The following DNAAF4 variants were observed in gnomAD, a reference collection of about 807,000 sequenced individuals.
The protein encoded by DNAAF4 is dynein assembly factor 4, axonemal.
DNAAF4 carries 43 observed loss-of-function variants against 51.8 expected under a neutral mutation model. That is an observed-to-expected ratio of 0.83 (90% CI 0.65 to 1.07). The LOEUF is 1.07. Ranked by LOEUF, DNAAF4 falls within the 50% of genes least tolerant of loss-of-function variation. The pLI is 0.00. For missense variants in DNAAF4, 581 were observed against 493.0 expected (o/e 1.18, Z -1.69); for synonymous variants, 194 against 165.6 (o/e 1.17, Z -1.32).
chr15:55,449,606 G>A (rs889600326), intron 6 of DNAAF4, among the ~76,000 whole-genome samples: 7 of 150,162 alleles, frequency 4.7e-5, no homozygotes, highest in African/African-American at 1.7e-4. Flanking sequence ...GGAGGTTGCA[G>A]TGAACTGAGA....
At chr15:55,444,087 C>T (rs2057758596) in intron 6 of DNAAF4, among the ~76,000 whole-genome samples, 1 of 152,086 alleles carries the variant, frequency 6.6e-6, no homozygotes, top group African/African-American at 2.4e-5. Flanking sequence ...GTTGCCATTG[C>T]TTTTGGTGTT....
rs756260886 is a variant in DNAAF4 at position 55,432,507 on chromosome 15, C to G, written c.1143G>C (p.Leu381Phe). Residue 381 changes from leucine to phenylalanine, a missense_variant, in exon 9 of 10, where the codon TTG becomes TTC. Leu to Phe is a conservative substitution (Grantham distance 22). Transcript: ENST00000321149. ...CTATCAATTCCTTACCTTCTACATA[C>G]AATTCTAGTTGACAGAATGCTGTTC... ...RRGTAFCQLELYVEGLQDYEA... is the reference protein window; with the variant it reads ...RRGTAFCQLEFYVEGLQDYEA... 3.1e-6 allele frequency: 5 copies of G among 1,610,152 alleles called. No homozygotes were observed. Among genetic ancestry groups the G allele is most frequent in the Middle Eastern group, 1.7e-4 (1 of 6,046 alleles).
chr15:55,425,101 T>G (rs4477630), intron 7 of DNAAF4, among the ~76,000 whole-genome samples: 149,519 of 152,158 alleles, frequency 0.98, 73,509 homozygotes, highest in East Asian at 1. Flanking sequence ...CTGACCTCAG[T>G]TGATCCGCCC....
chr15:55,462,460 G>A (rs2058106755), intron 5 of DNAAF4, among the ~76,000 whole-genome samples: 1 of 152,032 alleles, frequency 6.6e-6, no homozygotes, highest in Non-Finnish European at 1.5e-5. Context: ...CAAAGGCTGG[G>A]ATTACAGGTA....
At chr15:55,505,066 A>G (rs893889204) in intron 1 of DNAAF4, among the ~76,000 whole-genome samples, 1 of 152,206 alleles carries the variant, frequency 6.6e-6, no homozygotes, top group African/African-American at 2.4e-5. Context: ...AACTTAAACA[A>G]ATTTACAAGA....
intron 1 of DNAAF4, among the ~76,000 whole-genome samples, chr15:55,505,107 G>A (rs2058720014): frequency 6.6e-6 from 1 of 152,138 alleles, no homozygotes; most frequent in Non-Finnish European, 1.5e-5. Context: ...AGTGAGCAAA[G>A]GATATGAACA....
chr15:55,458,480 A>AAAGAATTTTAAAAAATG (rs1449069195), intron 5 of DNAAF4, among the ~76,000 whole-genome samples: 29 of 152,164 alleles, frequency 1.9e-4, no homozygotes, highest in Admixed American at 1.2e-3. Context: ...AACCCAATCC[A>AAAGAATTTTAAAAAATG]ACAAAGACAA....
intron 7 of DNAAF4, among the ~76,000 whole-genome samples, chr15:55,422,890 G>A (rs548419887): frequency 4.1e-4 from 62 of 152,106 alleles, no homozygotes; most frequent in African/African-American, 1.4e-3. Flanking sequence ...CCAGCTACTC[G>A]GGAGGCTGAG....
intron 5 of DNAAF4, among the ~76,000 whole-genome samples, chr15:55,456,437 T>C (rs2058022752): frequency 1.3e-5 from 2 of 152,124 alleles, no homozygotes; most frequent in Non-Finnish European, 2.9e-5. Context: ...ACCAAACTCG[T>C]AGCTTTCAGT....
intron 5 of DNAAF4, among the ~76,000 whole-genome samples, chr15:55,455,563 C>G (rs1362523132): frequency 1.3e-5 from 2 of 151,910 alleles, no homozygotes; most frequent in African/African-American, 4.8e-5. Context: ...TCCTGAGTAA[C>G]TGGGACTACA....
At chr15:55,457,398 GC>G (rs1210098866) in intron 5 of DNAAF4, among the ~76,000 whole-genome samples, 1 of 152,080 alleles carries the variant, frequency 6.6e-6, no homozygotes, top group African/African-American at 2.4e-5. Flanking sequence ...GCCACAGCAA[GC>G]CCCACCCAAG....
chr15:55,480,857 C>T (rs1452571762), intron 4 of DNAAF4, among the ~76,000 whole-genome samples: 1 of 152,156 alleles, frequency 6.6e-6, no homozygotes, highest in Non-Finnish European at 1.5e-5. Flanking sequence ...GGCTCTGTAT[C>T]CCCACCCAAA....
chr15:55,498,237 C>T lies in DNAAF4; in HGVS notation c.93G>A (p.Thr31=). The change falls in exon 2 of 10, where the codon ACG becomes ACA. Residue 31 remains threonine, a synonymous_variant. Transcript: ENST00000321149. ...LPLKGVCVRD[T]DVFCTENYLK... is the part of the protein sequence containing the mutation. ...GATAGTTTTCCGTGCAGAACACGTCCGTGTCTCTGACGCACACGCCTTTGA... is the reference window on the plus strand; with the variant it reads ...GATAGTTTTCCGTGCAGAACACGTCTGTGTCTCTGACGCACACGCCTTTGA... The T allele has an allele frequency of 1.9e-6, 3 of 1,613,972 alleles. No homozygotes were observed. The highest frequency in any genetic ancestry group is 2.5e-6 in the Non-Finnish European group (3 of 1,179,914).
chr15:55,450,678 C>G (rs994171933), intron 5 of DNAAF4, among the ~76,000 whole-genome samples: 2 of 152,186 alleles, frequency 1.3e-5, no homozygotes, highest in Non-Finnish European at 2.9e-5. Flanking sequence ...GGCACATAGG[C>G]AAAACCACCA....
At chr15:55,436,867 C>G (rs181659356) in intron 7 of DNAAF4, among the ~76,000 whole-genome samples, 1 of 151,352 alleles carries the variant, frequency 6.6e-6, no homozygotes, top group Admixed American at 6.6e-5. Flanking sequence ...GTCGCCCAGG[C>G]TGGAGTGCAG....
chr15:55,433,963 A>AATATTATAATATATATT (rs1555413861), intron 8 of DNAAF4, among the ~76,000 whole-genome samples: 2 of 29,928 alleles, frequency 6.7e-5, no homozygotes, highest in Admixed American at 8.3e-4. Context: ...TAATATATAT[A>AATATTATAATATATATT]ATATATTTTA....
At chr15:55,431,089 A>AT (rs1219074607) in intron 9 of DNAAF4, among the ~76,000 whole-genome samples, 2 of 151,436 alleles carry the variant, frequency 1.3e-5, no homozygotes, top group African/African-American at 2.4e-5. Flanking sequence ...AATTTTTTGT[A>AT]TTTTTAGTAG....
chr15:55,490,884 G>A lies in DNAAF4; in HGVS notation c.405+239C>T, dbSNP rs143462903. On this transcript the variant is annotated intron_variant, in intron 4 of 9. Coordinates refer to ENST00000321149, the MANE Select transcript of DNAAF4 (RefSeq NM_130810.4). ...CAGGAGAATGGCATGAACCCGGGAAGTGGAGCTTGCAGTGAGCCCAGATCA... is the reference window on the plus strand; with the variant it reads ...CAGGAGAATGGCATGAACCCGGGAAATGGAGCTTGCAGTGAGCCCAGATCA... The A allele has an allele frequency of 3.5e-3, 1,135 of 323,300 alleles. 22 individuals are homozygous for A. The highest frequency in any genetic ancestry group is 0.023 in the African/African-American group (1,065 of 46,784). 20.0% of individuals were successfully genotyped at this position (323,300 alleles called of 1,614,324 possible).
intron 6 of DNAAF4, among the ~76,000 whole-genome samples, chr15:55,440,596 G>A (rs1258355191): frequency 6.6e-6 from 1 of 151,052 alleles, no homozygotes; most frequent in Non-Finnish European, 1.5e-5. Context: ...TCGATCTCCT[G>A]ACCTTGTGAT....
Sources: allele counts gnomAD v4.1 joint callset (sites outside exome capture counted in the v4.1 genomes callset), GRCh38; gene constraint gnomAD v4.1.1; transcripts MANE v1.5; gene names NCBI Gene and HGNC (gene_info 2026-07-23, HGNC 2026-07-21).